Variants in EYA4 observed in about 807,000 individuals in gnomAD.
The protein encoded by EYA4 is EYA transcriptional coactivator and phosphatase 4.
EYA4 carries 31 observed loss-of-function variants against 87.9 expected under a neutral mutation model. That is an observed-to-expected ratio of 0.35 (90% CI 0.27 to 0.48). The LOEUF (loss-of-function observed/expected upper bound fraction) is 0.48. EYA4 is among the 20% of genes least tolerant of loss of function. EYA4 has a pLI of 0.99. For synonymous variants in EYA4, 263 were observed against 270.6 expected (o/e 0.97, Z 0.28); for missense variants, 678 against 761.4 (o/e 0.89, Z 1.29).
At chr6:133,394,420 T>G (rs565644555) in intron 3 of EYA4, among the ~76,000 whole-genome samples, 1 of 151,782 alleles carries the variant, frequency 6.6e-6, no homozygotes, top group South Asian at 2.1e-4. Context: ...TACAGGTATC[T>G]TTAGTTCAAC....
chr6:133,404,734 G>A (rs541028048), intron 3 of EYA4, among the ~76,000 whole-genome samples: 3 of 152,324 alleles, frequency 2.0e-5, no homozygotes, highest in African/African-American at 2.4e-5. Context: ...AAGTCTGTGT[G>A]TAATAAATAC....
At position 133,523,175 on chromosome 6, in the gene EYA4, T is replaced by G. The variant is rs751797323; in HGVS notation, c.1736T>G (p.Ile579Arg). The change falls in exon 18 of 20, where the codon ATA (isoleucine) becomes AGA (arginine). Residue 579 changes from isoleucine (I) to arginine (R), a missense_variant and splice_region_variant. By Grantham distance (97) the Ile-to-Arg change is moderately conservative. Coordinates refer to ENST00000355286, the MANE Select transcript of EYA4 (RefSeq NM_004100.5). The stretch of plus-strand genomic sequence containing the variant: ...GAGAATATTTACAGTGCAACTAAAA[T>G]AGGTAAGGAAATTATTTTAAACTCT... Reference protein sequence around the residue: ...PIENIYSATKIGKESCFERIM... With the variant: ...PIENIYSATKRGKESCFERIM... 1 of 1,612,200 alleles carries G rather than the reference T, an allele frequency of 6.2e-7. No individual in the cohort carries two copies. The highest frequency in any genetic ancestry group is 2.2e-5 in the East Asian group (1 of 44,808).
At chr6:133,421,930 A>G (rs1233134542) in intron 3 of EYA4, among the ~76,000 whole-genome samples, 1 of 152,208 alleles carries the variant, frequency 6.6e-6, no homozygotes, top group African/African-American at 2.4e-5. Context: ...GGTTTTGAAG[A>G]TATGATATGC....
intron 3 of EYA4, among the ~76,000 whole-genome samples, chr6:133,424,863 G>T (rs1011570710): frequency 6.6e-6 from 1 of 150,848 alleles, no homozygotes; most frequent in African/African-American, 2.5e-5. Context: ...AAGGGATGGG[G>T]CTCCCACCCG....
At chr6:133,287,874 C>T (rs927736609) in intron 2 of EYA4, among the ~76,000 whole-genome samples, 1 of 152,102 alleles carries the variant, frequency 6.6e-6, no homozygotes, top group Admixed American at 6.5e-5. Context: ...GTGGCTCATG[C>T]CTGTAATCCC....
At chr6:133,251,094 A>G (rs1232640080) in intron 1 of EYA4, among the ~76,000 whole-genome samples, 2 of 152,250 alleles carry the variant, frequency 1.3e-5, no homozygotes, top group Non-Finnish European at 2.9e-5. Context: ...TTGGCCATTT[A>G]CGTTGTGCAG....
In EYA4 at chr6:133,309,761, G is replaced by A. The variant is rs1157651610; in HGVS notation, c.33+34948G>A. Among the ~76,000 whole-genome samples the A allele has an allele frequency of 5.3e-5, 8 of 152,164 alleles. No individual in the cohort carries two copies. In the East Asian group the frequency reaches 1.5e-3, roughly 29 times the overall value. ...AAGTTCTCTGGCACAAGGAAGGCAA[G>A]TGAGGTTAGCTATGGAGAGAAGATT... On this transcript the variant is annotated intron_variant, in intron 2 of 19. Transcript: ENST00000355286.
At chr6:133,383,528 A>C (rs1219817816) in intron 3 of EYA4, among the ~76,000 whole-genome samples, 2 of 146,334 alleles carry the variant, frequency 1.4e-5, no homozygotes, top group Non-Finnish European at 3.0e-5. Context: ...AAAAAAAAAA[A>C]AAAAAAAAAA....
intron 2 of EYA4, among the ~76,000 whole-genome samples, chr6:133,311,998 G>T (rs1355360971): frequency 6.6e-6 from 1 of 152,168 alleles, no homozygotes; most frequent in Non-Finnish European, 1.5e-5. Flanking sequence ...ATGCTGTGAA[G>T]AATAGGTTCA....
intron 10 of EYA4, 134 bp downstream of exon 10, chr6:133,464,992 A>C: frequency 1.5e-6 from 1 of 647,940 alleles, no homozygotes. Flanking sequence ...GCATTTCAGG[A>C]TAGTAAAAAA....
intron 2 of EYA4, among the ~76,000 whole-genome samples, chr6:133,339,242 C>T (rs1782607733): frequency 6.6e-6 from 1 of 152,106 alleles, no homozygotes; most frequent in Non-Finnish European, 1.5e-5. Flanking sequence ...AGACCCCAGG[C>T]CCATTTGGTT....
At chr6:133,349,619 A>G (rs1467033743) in intron 2 of EYA4, among the ~76,000 whole-genome samples, 2 of 151,260 alleles carry the variant, frequency 1.3e-5, no homozygotes, top group African/African-American at 4.9e-5. Context: ...AAAATGCCTC[A>G]TGATCCAGGC....
chr6:133,376,712 T>C (rs1785717789), intron 2 of EYA4, among the ~76,000 whole-genome samples: 1 of 152,004 alleles, frequency 6.6e-6, no homozygotes, highest in African/African-American at 2.4e-5. Context: ...AAGATTGATT[T>C]TTATATATGA....
At chr6:133,483,689 T>TC (rs1796430231) in intron 13 of EYA4, among the ~76,000 whole-genome samples, 4 of 138,750 alleles carry the variant, frequency 2.9e-5, no homozygotes, top group Admixed American at 2.4e-4. Flanking sequence ...TTTATTTATT[T>TC]ATTTCATTGT....
chr6:133,486,485 A>G (rs916401682), intron 13 of EYA4, among the ~76,000 whole-genome samples: 18 of 150,708 alleles, frequency 1.2e-4, no homozygotes, highest in Admixed American at 8.5e-4. Flanking sequence ...TCATTTAACA[A>G]ATAGTTAGTA....
chr6:133,255,145 T>C (rs1023154179), intron 1 of EYA4, among the ~76,000 whole-genome samples: 11 of 152,340 alleles, frequency 7.2e-5, no homozygotes, highest in African/African-American at 9.6e-5. Flanking sequence ...CCTGGCCCAC[T>C]ATAAAAGCTC....
In EYA4 at chr6:133,532,000, A is replaced by G. The variant is rs1801035648; in HGVS notation, c.*3195A>G. ...GGTTTCTGTTATGTATTAGTAAAGTATAGATTATTGGGGCCTACATAATTT... is the reference window on the plus strand; with the variant it reads ...GGTTTCTGTTATGTATTAGTAAAGTGTAGATTATTGGGGCCTACATAATTT... On this transcript the variant is annotated 3_prime_UTR_variant, in exon 20 of 20. Coordinates refer to ENST00000355286, the MANE Select transcript of EYA4 (RefSeq NM_004100.5). 1.3e-5 allele frequency: 2 copies of G among 152,240 alleles called. No individual in the cohort carries two copies. Among genetic ancestry groups the G allele is most frequent in the South Asian group, 4.1e-4 (2 of 4,826 alleles). 9.4% of individuals were successfully genotyped at this position (152,240 alleles called of 1,614,324 possible). A position where few individuals can be genotyped will look rare whatever the true frequency, so the allele number is the denominator to read the frequency against.
At chr6:133,446,777 A>G in intron 4 of EYA4, 23 bp downstream of exon 4, 1 of 1,610,344 alleles carries the variant, frequency 6.2e-7, no homozygotes, top group Non-Finnish European at 8.5e-7. Flanking sequence ...CCCTGAAGAT[A>G]CCCAGAATCA....
At chr6:133,297,951 C>CA (rs1262171799) in intron 2 of EYA4, among the ~76,000 whole-genome samples, 15 of 152,064 alleles carry the variant, frequency 9.9e-5, no homozygotes, top group Non-Finnish European at 1.6e-4. Flanking sequence ...ATGATTGTTG[C>CA]CTGAATTACT....
Sources: allele counts gnomAD v4.1 joint callset (sites outside exome capture counted in the v4.1 genomes callset), GRCh38; gene constraint gnomAD v4.1.1; transcripts MANE v1.5; gene names NCBI Gene and HGNC (gene_info 2026-07-23, HGNC 2026-07-21).